The following PVALEF variants were observed in gnomAD, a reference collection of about 807,000 sequenced individuals.
PVALEF encodes parvalbumin like EF-hand containing, also known as parvalbumin-like EF-hand-containing protein.
Under a neutral mutation model 1.2 loss-of-function variants are expected in PVALEF, and 2 were observed. The ratio of observed to expected loss-of-function variants is 1.68; its 90% CI spans 0.69 to 5.28. The LOEUF (loss-of-function observed/expected upper bound fraction) is 5.28, where lower values mean the gene tolerates loss of function less well. PVALEF is among the 30% of genes most tolerant of loss of function. The probability of loss-of-function intolerance (pLI) is 0.06; values close to 1 mark genes in which losing one functional copy is unlikely to be tolerated. For missense variants in PVALEF, 35 were observed against 17.7 expected, an observed-to-expected ratio of 1.97 and a Z score of -1.75; for synonymous variants, 16 against 6.5, an observed-to-expected ratio of 2.47 and a Z score of -2.24.
chr17:81,181,100 C>A, intron 3 of PVALEF, 23 bp from the exon 4 acceptor site: 1 of 637,302 alleles, frequency 1.6e-6, no homozygotes, highest in Admixed American at 2.3e-5. Flanking sequence ...ACTGTGACGC[C>A]TGTCACCATT....
intron 2 of PVALEF, among the ~76,000 whole-genome samples, chr17:81,177,135 C>T (rs2061538327): frequency 1.3e-5 from 2 of 149,086 alleles, no homozygotes; most frequent in African/African-American, 4.9e-5. Context: ...CCATGTTGGC[C>T]AGGCTGGTCT....
chr17:81,166,574 AG>A (rs2061494928), intron 1 of PVALEF, 102 bp from the exon 2 acceptor site: 4 of 148,936 alleles, frequency 2.7e-5, no homozygotes, highest in Admixed American at 2.1e-4. Flanking sequence ...GGGGTGGGGG[AG>A]GGGGTACTCC....
intron 1 of PVALEF, chr17:81,166,033 C>G (rs763593882): frequency 6.9e-7 from 1 of 1,452,012 alleles, no homozygotes; most frequent in Non-Finnish European, 9.1e-7. Context: ...GAGGGCGCTG[C>G]GCTCAGGACG....
rs2061544357 is a variant in PVALEF at position 81,178,964 on chromosome 17, T to C, written c.-293T>C. The C allele has an allele frequency of 2.5e-6, 1 of 401,160 alleles. No homozygotes were observed. The highest frequency in any genetic ancestry group is 5.1e-6 in the Non-Finnish European group (1 of 196,030). 24.9% of individuals were successfully genotyped at this position (401,160 alleles called of 1,614,324 possible). On this transcript the variant is annotated 5_prime_UTR_variant, in exon 3 of 7. Transcript: ENST00000637878. ...CTAAGGGTCAGTCTGCCCAGACCAG[T>C]GTGGACACACCAAGTGCCTGCGAGC...
Position 81,169,547 on chromosome 17 carries a change from G to A in PVALEF, c.-340+2703G>A, listed in dbSNP as rs970667601. ...CAGAAGGCGGAACTTGCAGTGAGCC[G>A]AGATGGCGCCACTGCACATATGTCT... On this transcript the variant is annotated intron_variant, in intron 2 of 6. Coordinates refer to ENST00000637878, the MANE Select transcript of PVALEF (RefSeq NM_001354639.2). 5.3e-5 allele frequency among the ~76,000 whole-genome samples: 8 copies of A among 152,324 alleles called. No homozygotes were observed. In the East Asian group the frequency reaches 5.8e-4, roughly 11 times the overall value.
chr17:81,170,577 A>G lies in PVALEF; in HGVS notation c.-340+3733A>G, dbSNP rs145643756. Among the ~76,000 whole-genome samples the G allele has an allele frequency of 2.1e-3, 321 of 152,210 alleles. 3 individuals carry two copies. Among genetic ancestry groups the G allele is most frequent in the African/African-American group, 7.5e-3 (310 of 41,524 alleles). ...GGGAGTGCAGGGCATGGGAGGGAGGAGGGAGGCAAAGTGGGGAACATGCAG... is the reference window on the plus strand; with the variant it reads ...GGGAGTGCAGGGCATGGGAGGGAGGGGGGAGGCAAAGTGGGGAACATGCAG... On this transcript the variant is annotated intron_variant, in intron 2 of 6. Transcript: ENST00000637878.
intron 2 of PVALEF, 90 bp from the exon 3 acceptor site, chr17:81,178,828 C>G (rs2061543959): frequency 4.4e-6 from 1 of 227,162 alleles, no homozygotes; most frequent in Non-Finnish European, 9.3e-6. Flanking sequence ...CCTCTGACCT[C>G]AGGCTTCCAG....
chr17:81,178,279 C>T (rs1048333053), intron 2 of PVALEF, among the ~76,000 whole-genome samples: 2 of 152,190 alleles, frequency 1.3e-5, no homozygotes, highest in African/African-American at 4.8e-5. Flanking sequence ...CTGTGGCTTC[C>T]AGTAGAAAGC....
chr17:81,165,892 A>AGCGGAGGGAGGCAGCGGC (rs1240542153), intron 1 of PVALEF, 145 bp downstream of exon 1: 2 of 1,555,478 alleles, frequency 1.3e-6, no homozygotes, highest in Admixed American at 3.9e-5. Context: ...TCACGTCCGC[A>AGCGGAGGGAGGCAGCGGC]GCGGAGGGAG....
chr17:81,180,148 G>A (rs763033944), intron 3 of PVALEF, among the ~76,000 whole-genome samples: 26 of 152,186 alleles, frequency 1.7e-4, no homozygotes, highest in Non-Finnish European at 3.4e-4. Flanking sequence ...CTTCGTTGGG[G>A]GCACCCCTGA....
Position 81,182,049 on chromosome 17 carries a change from A to C in PVALEF, c.326A>C (p.Asp109Ala). ...GCCGAGGCCATGATCCAGGCGGCAG[A>C]CACACACGGGGACGGGAGGATCAAC... Reference protein sequence around the residue: ...EEAEAMIQAADTHGDGRINYE... With the variant: ...EEAEAMIQAAATHGDGRINYE... The change falls in exon 6 of 7, where the codon GAC (aspartate) becomes GCC (alanine). Residue 109 changes from aspartate (D) to alanine (A), a missense_variant. Transcript: ENST00000637878. 2.5e-6 allele frequency: 1 copy of C among 398,808 alleles called. No individual in the cohort carries two copies. The allele number at this position is 398,808 out of a possible 1,614,324, so 24.7% of individuals were successfully genotyped here.
rs549025239 is a variant in PVALEF, at chr17:81,178,545, C to G, written c.-339-373C>G. Reference sequence around the variant, plus strand: ...ATATGAACTTGGAGCCTCCCCACCCCCACCGGCCTGCAGGCTGTGCTGTGC... The same window carrying G: ...ATATGAACTTGGAGCCTCCCCACCCGCACCGGCCTGCAGGCTGTGCTGTGC... On this transcript the variant is annotated intron_variant, in intron 2 of 6. Coordinates refer to ENST00000637878, the MANE Select transcript of PVALEF (RefSeq NM_001354639.2). 5.1e-4 allele frequency among the ~76,000 whole-genome samples: 78 copies of G among 152,300 alleles called. 1 individual carries two copies. In the South Asian group the frequency reaches 0.015, roughly 30 times the overall value.
Position 81,181,960 on chromosome 17 carries a change from C to T in PVALEF, c.243-6C>T, listed in dbSNP as rs1192707222. The T allele has an allele frequency of 1.0e-5, 4 of 398,472 alleles. No homozygotes were observed. The highest frequency in any genetic ancestry group is 1.8e-5 in the Non-Finnish European group (4 of 226,032). The allele number at this position is 398,472 out of a possible 1,614,324, so 24.7% of individuals were successfully genotyped here. A position where few individuals can be genotyped will look rare whatever the true frequency, so the allele number is the denominator to read the frequency against. ...TTGGCCCTGACTCGAGCCCCCTTGG[C>T]CCCAGGTACATCCTGTCCATCATCC... On this transcript the variant is annotated splice_region_variant and splice_polypyrimidine_tract_variant and intron_variant, in intron 5 of 6. Transcript: ENST00000637878.
chr17:81,177,195 G>C (rs1445601230), intron 2 of PVALEF, among the ~76,000 whole-genome samples: 3 of 147,102 alleles, frequency 2.0e-5, no homozygotes. Flanking sequence ...CCAAAGTGCT[G>C]GGATTGCAGG....
intron 2 of PVALEF, among the ~76,000 whole-genome samples, chr17:81,176,415 A>C: frequency 6.6e-6 from 1 of 152,138 alleles, no homozygotes. Context: ...GCTACTCAGG[A>C]GGCTGAGGCA....
At chr17:81,172,942 C>A (rs557464424) in intron 2 of PVALEF, among the ~76,000 whole-genome samples, 1 of 151,894 alleles carries the variant, frequency 6.6e-6, no homozygotes, top group African/African-American at 2.4e-5. Context: ...GAAACCCGCA[C>A]GAAGGAAAAC....
intron 2 of PVALEF, among the ~76,000 whole-genome samples, chr17:81,168,658 A>T (rs1048332658): frequency 6.6e-6 from 1 of 152,196 alleles, no homozygotes; most frequent in Non-Finnish European, 1.5e-5. Flanking sequence ...AGAGCCCAGA[A>T]GGAGCTGACC....
chr17:81,176,765 C>A (rs1454916621), intron 2 of PVALEF, among the ~76,000 whole-genome samples: 2 of 152,076 alleles, frequency 1.3e-5, no homozygotes, highest in East Asian at 3.9e-4. Context: ...TGGTTATCAT[C>A]CCAAAAGAAC....
intron 2 of PVALEF, among the ~76,000 whole-genome samples, chr17:81,170,852 T>A (rs1033223674): frequency 6.6e-6 from 1 of 152,010 alleles, no homozygotes; most frequent in Non-Finnish European, 1.5e-5. Context: ...GAGGCATCTC[T>A]AGGGTGCTTG....
Sources: allele counts gnomAD v4.1 joint callset (sites outside exome capture counted in the v4.1 genomes callset), GRCh38; gene constraint gnomAD v4.1.1; transcripts MANE v1.5; gene names NCBI Gene and HGNC (gene_info 2026-07-23, HGNC 2026-07-21).